The following STX8 variants were observed in gnomAD, a reference collection of about 807,000 sequenced individuals.
STX8 encodes syntaxin-8.
In STX8, 23 loss-of-function variants were observed where a neutral mutation model predicts 37.5. That is an observed-to-expected ratio of 0.61 (90% CI 0.44 to 0.87). STX8 has a LOEUF of 0.87. Ranked by LOEUF, STX8 falls within the 40% of genes least tolerant of loss-of-function variation. The probability of loss-of-function intolerance (pLI) is 0.00; values close to 1 mark genes in which losing one functional copy is unlikely to be tolerated. For synonymous variants in STX8, 115 were observed against 99.1 expected (o/e 1.16, Z -0.95); for missense variants, 313 against 284.7 (o/e 1.10, Z -0.71).
At chr17:9,315,939 G>A (rs112064068) in intron 7 of STX8, among the ~76,000 whole-genome samples, 13 of 151,776 alleles carry the variant, frequency 8.6e-5, no homozygotes, top group Admixed American at 3.9e-4. Flanking sequence ...GCTTGAACCC[G>A]GGAGGTAGAG....
rs1261754970 is a variant in STX8, at chr17:9,505,272, C to G, written c.324-110G>C. On this transcript the variant is annotated intron_variant, in intron 4 of 7. Coordinates refer to ENST00000306357, the MANE Select transcript of STX8 (RefSeq NM_004853.3). ...CCTTGAATGCTTTGAAAATTCAATT[C>G]AAACACAATTTATTGCATCATTAGT... is the stretch of plus-strand genomic sequence containing the variant. The G allele has an allele frequency of 2.3e-6, 3 of 1,298,326 alleles. No individual in the cohort carries two copies. The African/African-American group carries it at 4.5e-5, about 19-fold the overall frequency. 80.4% of individuals were successfully genotyped at this position (1,298,326 alleles called of 1,614,324 possible).
intron 5 of STX8, among the ~76,000 whole-genome samples, chr17:9,496,073 C>CTTTT (rs377544566): frequency 7.8e-5 from 4 of 51,092 alleles, no homozygotes; most frequent in African/African-American, 4.0e-4. Context: ...CTTTTTCTTT[C>CTTTT]TCTTTTTTTT....
chr17:9,339,583 G>A (rs911512013), intron 7 of STX8, among the ~76,000 whole-genome samples: 1 of 152,140 alleles, frequency 6.6e-6, no homozygotes, highest in Non-Finnish European at 1.5e-5. Context: ...GAACCCAGGA[G>A]GTGGAGGTTG....
intron 7 of STX8, among the ~76,000 whole-genome samples, chr17:9,375,739 C>A (rs1911558298): frequency 6.6e-6 from 1 of 152,212 alleles, no homozygotes; most frequent in South Asian, 2.1e-4. Flanking sequence ...TATATACCCA[C>A]ATACACATAC....
At chr17:9,546,667 G>A (rs1233105928) in intron 3 of STX8, among the ~76,000 whole-genome samples, 4 of 129,616 alleles carry the variant, frequency 3.1e-5, no homozygotes, top group Non-Finnish European at 6.2e-5. Flanking sequence ...GCGCGATCTC[G>A]GCTCACTGCA....
At chr17:9,336,561 G>A (rs1034372564) in intron 7 of STX8, among the ~76,000 whole-genome samples, 7 of 151,916 alleles carry the variant, frequency 4.6e-5, no homozygotes, top group African/African-American at 1.5e-4. Context: ...TCAGCCTCCC[G>A]AGTTGCTGGG....
intron 7 of STX8, among the ~76,000 whole-genome samples, chr17:9,358,927 G>C (rs1296662637): frequency 6.6e-6 from 1 of 152,184 alleles, no homozygotes; most frequent in Non-Finnish European, 1.5e-5. Flanking sequence ...GAACATTATG[G>C]CTGTATTTGA....
intron 4 of STX8, among the ~76,000 whole-genome samples, chr17:9,510,162 T>G (rs548980235): frequency 2.0e-5 from 3 of 152,154 alleles, no homozygotes; most frequent in South Asian, 2.1e-4. Flanking sequence ...AAGGGAGAGA[T>G]AGACTCAAAT....
At chr17:9,282,755 C>T (rs1190342994) in intron 7 of STX8, among the ~76,000 whole-genome samples, 1 of 152,184 alleles carries the variant, frequency 6.6e-6, no homozygotes, top group African/African-American at 2.4e-5. Flanking sequence ...CCTATATGGC[C>T]ACAAAGGGCA....
intron 7 of STX8, among the ~76,000 whole-genome samples, chr17:9,327,241 A>AGGAGGAGGAAGGAGGAAG (rs1567784954): frequency 6.8e-6 from 1 of 146,356 alleles, no homozygotes; most frequent in African/African-American, 2.6e-5. Context: ...GAAGGAGGAC[A>AGGAGGAGGAAGGAGGAAG]GAGGAGGAAG....
intron 2 of STX8, among the ~76,000 whole-genome samples, chr17:9,559,737 T>TATATATATATAC (rs1567610087): frequency 5.8e-4 from 14 of 24,300 alleles, no homozygotes; most frequent in African/African-American, 1.8e-3. Flanking sequence ...TATTATTTTA[T>TATATATATATAC]ATATATATAT....
chr17:9,575,475 G>A (rs1907869219), intron 1 of STX8, among the ~76,000 whole-genome samples: 2 of 152,176 alleles, frequency 1.3e-5, no homozygotes. Context: ...GCCTGCACCA[G>A]CCAGCTAGCT....
chr17:9,426,902 A>G (rs1870801843), intron 6 of STX8, among the ~76,000 whole-genome samples: 1 of 152,198 alleles, frequency 6.6e-6, no homozygotes, highest in South Asian at 2.1e-4. Flanking sequence ...TCTATCTCTT[A>G]CTAGATATAA....
At chr17:9,551,183 G>C (rs1191004712) in intron 3 of STX8, among the ~76,000 whole-genome samples, 1 of 152,184 alleles carries the variant, frequency 6.6e-6, no homozygotes, top group Admixed American at 6.5e-5. Context: ...AGAACTGCAA[G>C]GGAACAGTTT....
intron 3 of STX8, chr17:9,553,279 C>T (rs958744226): frequency 3.9e-5 from 6 of 152,164 alleles, no homozygotes; most frequent in Middle Eastern, 3.2e-3. Context: ...TGCAAGACTT[C>T]GGTTTATTAA....
chr17:9,525,473 A>C (rs1331800298), intron 4 of STX8, among the ~76,000 whole-genome samples: 1 of 151,722 alleles, frequency 6.6e-6, no homozygotes, highest in Non-Finnish European at 1.5e-5. Context: ...CAGCCTCCTG[A>C]GTAGCTGGGA....
intron 7 of STX8, among the ~76,000 whole-genome samples, chr17:9,296,109 G>C (rs538712100): frequency 6.6e-6 from 1 of 152,298 alleles, no homozygotes; most frequent in African/African-American, 2.4e-5. Context: ...AGAATGGCGC[G>C]AACCCGGGAG....
intron 3 of STX8, 70 bp downstream of exon 3, chr17:9,557,364 C>T: frequency 7.1e-7 from 1 of 1,400,880 alleles, no homozygotes; most frequent in Non-Finnish European, 1.0e-6. Flanking sequence ...GCCCAGATTC[C>T]TTCCTTTCTT....
intron 5 of STX8, among the ~76,000 whole-genome samples, chr17:9,494,346 A>T (rs1906999505): frequency 6.6e-6 from 1 of 150,688 alleles, no homozygotes; most frequent in Non-Finnish European, 1.5e-5. Flanking sequence ...AAAAAGCAGG[A>T]AGCTGGGCGC....
Sources: gnomAD v4.1 joint callset for allele counts (sites outside exome capture counted in the v4.1 genomes callset) on GRCh38, gnomAD v4.1.1 for gene constraint, MANE v1.5 for transcripts, NCBI Gene and HGNC (gene_info 2026-07-23, HGNC 2026-07-21) for gene names.